The following FOXK2 variants were observed in gnomAD, a reference collection of about 807,000 sequenced individuals.
The protein encoded by FOXK2 is forkhead box K2.
A neutral mutation model predicts 53.3 loss-of-function variants in FOXK2; 24 were observed. That is an observed-to-expected ratio of 0.45 (90% CI 0.33 to 0.63). FOXK2 has a LOEUF of 0.63. FOXK2 is among the 30% of genes least tolerant of loss of function. The probability of loss-of-function intolerance (pLI) is 0.03; values close to 1 mark genes in which losing one functional copy is unlikely to be tolerated. For missense variants in FOXK2, 952 were observed against 910.5 expected (o/e 1.05, Z -0.59); for synonymous variants, 505 against 407.1 (o/e 1.24, Z -2.89).
At position 82,601,021 on chromosome 17, in the gene FOXK2, G is replaced by A. The variant is rs2045376561; in HGVS notation, c.1787-282G>A. ...ATAGGACATAACAAAGATGATGCCA[G>A]CTGTTAATAAAAATGTCCGCTAATC... On this transcript the variant is annotated intron_variant, in intron 8 of 8. Transcript: ENST00000335255. 7 of 396,372 alleles carry A rather than the reference G, an allele frequency of 1.8e-5. No individual in the cohort carries two copies. The South Asian group carries it at 3.3e-4, about 18-fold the overall frequency. The allele number at this position is 396,372 out of a possible 1,614,324, so 24.6% of individuals were successfully genotyped here. A position where few individuals can be genotyped will look rare whatever the true frequency, so the allele number is the denominator to read the frequency against.
intron 8 of FOXK2, among the ~76,000 whole-genome samples, chr17:82,590,352 C>T (rs1221244458): frequency 1.3e-5 from 2 of 152,124 alleles, no homozygotes; most frequent in Non-Finnish European, 2.9e-5. Context: ...GGTAGTGTCT[C>T]ACCATGTTGC....
chr17:82,552,095 A>G (rs1347783872), intron 1 of FOXK2, among the ~76,000 whole-genome samples: 1 of 151,352 alleles, frequency 6.6e-6, no homozygotes, highest in Non-Finnish European at 1.5e-5. Context: ...CCATGTCCGC[A>G]CTCCCCTCGC....
intron 1 of FOXK2, among the ~76,000 whole-genome samples, chr17:82,553,979 G>A (rs539913002): frequency 1.8e-3 from 280 of 152,108 alleles, no homozygotes; most frequent in African/African-American, 6.4e-3. Flanking sequence ...GACTACAGGC[G>A]CCCACCACCA....
At chr17:82,596,330 A>C in intron 8 of FOXK2, 2 of 530,712 alleles carry the variant, frequency 3.8e-6, no homozygotes, top group Non-Finnish European at 4.8e-6. Context: ...TTCCCTTCTC[A>C]TCGTTCCTGC....
intron 1 of FOXK2, among the ~76,000 whole-genome samples, chr17:82,526,627 G>A (rs1372098002): frequency 6.6e-6 from 1 of 151,976 alleles, no homozygotes; most frequent in Non-Finnish European, 1.5e-5. Flanking sequence ...TCAGGAGATT[G>A]AGACCATCCT....
intron 1 of FOXK2, among the ~76,000 whole-genome samples, chr17:82,544,198 C>A (rs56077123): frequency 0.22 from 33,700 of 152,128 alleles, 4,163 homozygotes; most frequent in Non-Finnish European, 0.28. Flanking sequence ...TAGGCGTGAG[C>A]CACTGCGCCC....
intron 1 of FOXK2, among the ~76,000 whole-genome samples, chr17:82,526,850 AGAAAT>A (rs2044423737): frequency 1.3e-5 from 2 of 150,836 alleles, no homozygotes; most frequent in Admixed American, 1.3e-4. Context: ...AAAAAAAGAA[AGAAAT>A]GGAGTTGAGG....
chr17:82,521,196 G>A (rs2044358278), intron 1 of FOXK2, among the ~76,000 whole-genome samples: 1 of 152,010 alleles, frequency 6.6e-6, no homozygotes, highest in Non-Finnish European at 1.5e-5. Context: ...TTTTTGAGAC[G>A]GAGGCTCACT....
At chr17:82,531,501 A>T (rs1258705365) in intron 1 of FOXK2, among the ~76,000 whole-genome samples, 1 of 152,162 alleles carries the variant, frequency 6.6e-6, no homozygotes, top group Non-Finnish European at 1.5e-5. Context: ...TTGTGCGAAC[A>T]TCATAGAGCA....
intron 1 of FOXK2, among the ~76,000 whole-genome samples, chr17:82,534,511 G>A (rs2044502234): frequency 6.6e-6 from 1 of 152,182 alleles, no homozygotes. Context: ...CCTGGCTCTA[G>A]GTCGTCATGC....
intron 1 of FOXK2, among the ~76,000 whole-genome samples, chr17:82,536,601 A>T (rs2044522989): frequency 6.6e-6 from 1 of 152,248 alleles, no homozygotes. Context: ...AGTCTTTACG[A>T]ACTGGCTCTG....
intron 2 of FOXK2, among the ~76,000 whole-genome samples, chr17:82,564,972 C>T (rs1160862764): frequency 5.3e-5 from 8 of 151,968 alleles, no homozygotes; most frequent in East Asian, 1.9e-4. Flanking sequence ...TCAGGTGATC[C>T]GCCTGCCTCG....
intron 1 of FOXK2, among the ~76,000 whole-genome samples, chr17:82,525,935 G>T (rs1186784994): frequency 6.7e-6 from 1 of 149,908 alleles, no homozygotes; most frequent in Non-Finnish European, 1.5e-5. Flanking sequence ...TCTTTCTTAC[G>T]TGGCATGAAT....
chr17:82,547,495 A>G (rs981203718), intron 1 of FOXK2, among the ~76,000 whole-genome samples: 4 of 152,188 alleles, frequency 2.6e-5, no homozygotes, highest in African/African-American at 9.7e-5. Context: ...AGAGTTTAGG[A>G]AGAAAAATAA....
At chr17:82,599,140 C>A (rs1185264808) in intron 8 of FOXK2, 1 of 150,780 alleles carries the variant, frequency 6.6e-6, no homozygotes, top group African/African-American at 2.4e-5. Flanking sequence ...CTTTGTCCCC[C>A]AGACTGGAGT....
intron 1 of FOXK2, among the ~76,000 whole-genome samples, chr17:82,560,840 A>G (rs2044785826): frequency 6.6e-6 from 1 of 152,108 alleles, no homozygotes; most frequent in Non-Finnish European, 1.5e-5. Flanking sequence ...ATGCGCCTCT[A>G]GTCCCAGCTA....
At chr17:82,525,466 A>C (rs62078087) in intron 1 of FOXK2, among the ~76,000 whole-genome samples, 5,901 of 152,226 alleles carry the variant, frequency 0.039, 125 homozygotes, top group Non-Finnish European at 0.044. Flanking sequence ...GGCGTGAGCT[A>C]CTGCGCCCGG....
chr17:82,549,243 A>T (rs903822895), intron 1 of FOXK2, among the ~76,000 whole-genome samples: 1 of 152,202 alleles, frequency 6.6e-6, no homozygotes, highest in African/African-American at 2.4e-5. Flanking sequence ...CCTTTACCCC[A>T]ACACCAAGTT....
intron 4 of FOXK2, chr17:82,576,918 G>T: frequency 4.8e-6 from 2 of 417,080 alleles, no homozygotes; most frequent in East Asian, 9.6e-5. Context: ...CCAGCACTTT[G>T]GGAGGCTGTG....
Sources: gnomAD v4.1 joint callset for allele counts (sites outside exome capture counted in the v4.1 genomes callset) on GRCh38, gnomAD v4.1.1 for gene constraint, MANE v1.5 for transcripts, NCBI Gene and HGNC (gene_info 2026-07-23, HGNC 2026-07-21) for gene names.